Variants in PKD1L1 observed in about 807,000 individuals in gnomAD.
The protein encoded by PKD1L1 is polycystin 1 like 1, transient receptor potential channel interacting.
Under a neutral mutation model 323.4 loss-of-function variants are expected in PKD1L1, and 236 were observed. The ratio of observed to expected loss-of-function variants is 0.73; its 90% confidence interval spans 0.66 to 0.81. The LOEUF (loss-of-function observed/expected upper bound fraction) is 0.81, where lower values mean the gene tolerates loss of function less well. PKD1L1 is among the 40% of genes least tolerant of loss of function. The probability of loss-of-function intolerance (pLI) is 0.00; values close to 1 mark genes in which losing one functional copy is unlikely to be tolerated. For synonymous variants in PKD1L1, 1,344 were observed against 1,335.0 expected (o/e 1.01, Z -0.15); for missense variants, 3,320 against 3,508.0 (o/e 0.95, Z 1.35).
chr7:47,843,186 A>G lies in PKD1L1; in HGVS notation c.5238-17T>C, dbSNP rs1410293227. ...TCTGGGTGGCTATAAACAAAAGGAGAGATATAAAGAAAATTGCTCATGAAA... is the reference window on the plus strand; with the variant it reads ...TCTGGGTGGCTATAAACAAAAGGAGGGATATAAAGAAAATTGCTCATGAAA... On this transcript the variant is annotated splice_polypyrimidine_tract_variant and intron_variant, in intron 33 of 56. Coordinates refer to ENST00000289672, the MANE Select transcript of PKD1L1 (RefSeq NM_138295.5). 6.3e-7 allele frequency: 1 copy of G among 1,575,152 alleles called. No homozygotes were observed. The highest frequency in any genetic ancestry group is 1.4e-5 in the African/African-American group (1 of 73,192).
At chr7:47,866,330 T>C in intron 25 of PKD1L1, 89 bp downstream of exon 25, 1 of 1,397,450 alleles carries the variant, frequency 7.2e-7, no homozygotes, top group Non-Finnish European at 9.8e-7. Flanking sequence ...TTCATAAGCA[T>C]GACCACTTGC....
rs1786721228 is a variant in PKD1L1, at chr7:47,888,030, A to G, written c.2796T>C (p.Asp932=). Residue 932 remains aspartate (D), a synonymous_variant, in exon 17 of 57, where the codon GAT becomes GAC. Transcript: ENST00000289672. ...TTTCTGTTGCATTGACTAAAAAGAGATCCCAGGAATAAGACAGATTCGGTA... is the reference window on the plus strand; with the variant it reads ...TTTCTGTTGCATTGACTAAAAAGAGGTCCCAGGAATAAGACAGATTCGGTA... The part of the protein sequence containing the change: ...SEIPNLSYSW[D]LFLVNATEKN... 6.2e-7 allele frequency: 1 copy of G among 1,613,758 alleles called. No individual in the cohort carries two copies. The highest frequency in any genetic ancestry group is 8.5e-7 in the Non-Finnish European group (1 of 1,179,800).
At chr7:47,958,956 C>G in the PKD1L1 span, among the ~76,000 whole-genome samples, 1 of 152,208 alleles carries the variant, frequency 6.6e-6, no homozygotes, top group Non-Finnish European at 1.5e-5. Flanking sequence ...CGAGTGCCTG[C>G]GATTGCAGGC....
chr7:47,817,235 A>C (rs1050555276), intron 46 of PKD1L1, among the ~76,000 whole-genome samples: 7 of 152,094 alleles, frequency 4.6e-5, no homozygotes, highest in Non-Finnish European at 1.0e-4. Context: ...CATCTAAAAC[A>C]AACAAACAAA....
chr7:47,898,985 A>G (rs1278896227), intron 13 of PKD1L1, among the ~76,000 whole-genome samples: 1 of 152,210 alleles, frequency 6.6e-6, no homozygotes, highest in Non-Finnish European at 1.5e-5. Context: ...TCAGGAAAAT[A>G]AGAATAAATG....
intron 28 of PKD1L1, among the ~76,000 whole-genome samples, 160 bp downstream of exon 28, chr7:47,857,445 G>C (rs1321271040): frequency 6.6e-6 from 1 of 152,200 alleles, no homozygotes; most frequent in Non-Finnish European, 1.5e-5. Flanking sequence ...AGTAGAGTCA[G>C]CAACGTGTTC....
intron 52 of PKD1L1, among the ~76,000 whole-genome samples, chr7:47,804,412 T>C (rs1562937689): frequency 6.6e-6 from 1 of 151,950 alleles, no homozygotes; most frequent in Non-Finnish European, 1.5e-5. Context: ...TCATAAAAAA[T>C]AGCATCATGT....
At chr7:47,819,352 A>C (rs1785090753) in intron 46 of PKD1L1, among the ~76,000 whole-genome samples, 1 of 152,262 alleles carries the variant, frequency 6.6e-6, no homozygotes, top group African/African-American at 2.4e-5. Flanking sequence ...TCTGATTTGA[A>C]TATCAAGAAG....
At chr7:47,904,688 C>CGGTT in intron 11 of PKD1L1, 71 bp from the exon 12 acceptor site, 1 of 1,511,408 alleles carries the variant, frequency 6.6e-7, no homozygotes, top group South Asian at 1.3e-5. Flanking sequence ...CTAGAGAAAC[C>CGGTT]GTCTGCTATA....
rs980796291 is a variant in PKD1L1 at position 47,839,374 on chromosome 7, G to A, written c.5769+72C>T. On this transcript the variant is annotated intron_variant, in intron 36 of 56. Transcript: ENST00000289672. The surrounding 1 kb of genome is among the most constrained non-coding windows in gnomAD (Gnocchi z 4.3). Reference sequence around the variant, plus strand: ...GTTCAAAGACACAACTGTGGCAAGCGAAGCAGAGACAGGTGCCATGCTCTG... The same window carrying A: ...GTTCAAAGACACAACTGTGGCAAGCAAAGCAGAGACAGGTGCCATGCTCTG... The A allele has an allele frequency of 7.8e-6, 10 of 1,279,970 alleles. No homozygotes were observed. Among genetic ancestry groups the A allele is most frequent in the African/African-American group, 4.4e-5 (3 of 68,148 alleles). The allele number at this position is 1,279,970 out of a possible 1,614,324, so 79.3% of individuals were successfully genotyped here.
At chr7:47,943,038 C>T (rs1788020887) in intron 2 of PKD1L1, among the ~76,000 whole-genome samples, 1 of 150,970 alleles carries the variant, frequency 6.6e-6, no homozygotes, top group South Asian at 2.1e-4. Flanking sequence ...CCCAGCTACT[C>T]AGGAGGCTGA....
rs140487730 is a variant in PKD1L1, at chr7:47,811,826, C to T, written c.7572G>A (p.Met2524Ile). 4 of 1,602,390 alleles carry T rather than the reference C, an allele frequency of 2.5e-6. No homozygotes were observed. The African/African-American group carries it at 4.0e-5, about 16-fold the overall frequency. Residue 2524 changes from methionine to isoleucine, a missense_variant, in exon 50 of 57, where the codon ATG (methionine) becomes ATA (isoleucine). Physicochemically the swap from Met to Ile is conservative, Grantham distance 10. Coordinates refer to ENST00000289672, the MANE Select transcript of PKD1L1 (RefSeq NM_138295.5). Reference protein sequence around the residue: ...RSDSALQYHLMLPQLVFLALS... With the variant: ...RSDSALQYHLILPQLVFLALS... ...AGGCAGGTCAGCTCACCTGGGGAAG[C>T]ATGAGGTGGTACTGCAGGGCTGAGT...
intron 26 of PKD1L1, among the ~76,000 whole-genome samples, chr7:47,863,682 A>T (rs1028058768): frequency 2.0e-5 from 3 of 152,154 alleles, no homozygotes; most frequent in African/African-American, 7.2e-5. Context: ...CTTTGGCAGG[A>T]GCAGCGGCAG....
intron 14 of PKD1L1, among the ~76,000 whole-genome samples, chr7:47,894,658 C>T (rs143887310): frequency 0.017 from 2,548 of 152,226 alleles, 77 homozygotes; most frequent in African/African-American, 0.057. Flanking sequence ...TGAGACCAGC[C>T]TGGGCAACAC....
In PKD1L1 at chr7:47,946,419, A is replaced by G. The variant is rs888157693; in HGVS notation, c.44+1978T>C. On this transcript the variant is annotated intron_variant, in intron 1 of 56. Transcript: ENST00000289672. This position sits in a 1 kb window ranked among gnomAD's most constrained non-coding sequence, Gnocchi z 4.1. ...CCACACAAACACACCACACAGCATC[A>G]CACACAATATACACACACCACACAG... Among the ~76,000 whole-genome samples, 3 of 150,902 alleles carry G rather than the reference A, an allele frequency of 2.0e-5. No individual in the cohort carries two copies. Among genetic ancestry groups the G allele is most frequent in the Admixed American group, 6.6e-5 (1 of 15,078 alleles).
intron 46 of PKD1L1, 82 bp from the exon 47 acceptor site, chr7:47,815,539 C>A: frequency 6.8e-7 from 1 of 1,476,944 alleles, no homozygotes. Context: ...TGTTTTCTTG[C>A]CAATTTTTCT....
chr7:47,888,037 G>C lies in PKD1L1; in HGVS notation c.2789C>G (p.Ser930Cys), dbSNP rs762912707. ...DCSEIPNLSY[S>C]WDLFLVNATE... is the part of the protein sequence containing the mutation. Reference sequence around the variant, plus strand: ...TGCATTGACTAAAAAGAGATCCCAGGAATAAGACAGATTCGGTATTTCACT... The same window carrying C: ...TGCATTGACTAAAAAGAGATCCCAGCAATAAGACAGATTCGGTATTTCACT... The change falls in exon 17 of 57, where the codon TCC becomes TGC. Residue 930 changes from serine to cysteine, a missense_variant. Coordinates refer to ENST00000289672, the MANE Select transcript of PKD1L1 (RefSeq NM_138295.5). The C allele has an allele frequency of 6.2e-7, 1 of 1,613,872 alleles. No individual in the cohort carries two copies. The highest frequency in any genetic ancestry group is 8.5e-7 in the Non-Finnish European group (1 of 1,179,822).
chr7:47,812,096 G>T (rs1272555886), intron 49 of PKD1L1, 45 bp from the exon 50 acceptor site: 2 of 1,496,460 alleles, frequency 1.3e-6, no homozygotes, highest in Non-Finnish European at 1.8e-6. Flanking sequence ...AGGGAGAAAG[G>T]CACAGAAGTC....
chr7:47,885,896 G>A lies in PKD1L1; in HGVS notation c.2995C>T (p.Gln999Ter). The A allele has an allele frequency of 6.2e-7, 1 of 1,614,166 alleles. No individual in the cohort carries two copies. Among genetic ancestry groups the A allele is most frequent in the Non-Finnish European group, 8.5e-7 (1 of 1,180,038 alleles). ...CCCCTTGGAGCTGAAGTGGCAGGTTGGCCAAGGGTCACGGGTGAAGGTTCC... is the reference window on the plus strand; with the variant it reads ...CCCCTTGGAGCTGAAGTGGCAGGTTAGCCAAGGGTCACGGGTGAAGGTTCC... Reference protein sequence around the residue: ...SREPSPVTLGQPATSAPRGTP... With the variant: ...SREPSPVTLG Residue 999 changes from glutamine (Q) to a stop codon, truncating the protein, a stop_gained, in exon 18 of 57, where the codon CAA (glutamine) becomes TAA (stop). Coordinates refer to ENST00000289672, the MANE Select transcript of PKD1L1 (RefSeq NM_138295.5). LOFTEE classifies it high-confidence loss of function.
Sources: allele counts gnomAD v4.1 joint callset (sites outside exome capture counted in the v4.1 genomes callset), GRCh38; gene constraint gnomAD v4.1.1; non-coding constraint Gnocchi (gnomAD v3.1); transcripts MANE v1.5; gene names NCBI Gene and HGNC (gene_info 2026-07-23, HGNC 2026-07-21).